The following TRPM8 variants were observed in gnomAD, a reference collection of about 807,000 sequenced individuals.
TRPM8 encodes the protein TRPM8 cationic channel.
Under a neutral mutation model 133.7 loss-of-function variants are expected in TRPM8, and 110 were observed. The observed-to-expected ratio is 0.82, with a 90% CI of 0.70 to 0.96. The LOEUF (loss-of-function observed/expected upper bound fraction) is 0.96. TRPM8 is among the 40% of genes least tolerant of loss of function. TRPM8 has a pLI of 0.00. For missense variants in TRPM8, 1,291 were observed against 1,379.5 expected (o/e 0.94, Z 1.02); for synonymous variants, 535 against 532.3 (o/e 1.01, Z -0.07).
In TRPM8 at chr2:233,970,702, G is replaced by C. The variant is rs1174348583; in HGVS notation, c.2355+276G>C. On this transcript the variant is annotated intron_variant, in intron 17 of 25. Coordinates refer to ENST00000324695, the MANE Select transcript of TRPM8 (RefSeq NM_024080.5). Reference sequence around the variant, plus strand: ...GGAATGGGGGAGTGTTCAAAGAGAAGAGAGACCCTGGATGATAAACCCACT... The same window carrying C: ...GGAATGGGGGAGTGTTCAAAGAGAACAGAGACCCTGGATGATAAACCCACT... Among the ~76,000 whole-genome samples the C allele has an allele frequency of 4.6e-5, 7 of 152,300 alleles. No individual in the cohort carries two copies. The East Asian group carries it at 9.6e-4, about 21-fold the overall frequency.
chr2:234,006,975 C>T, intron 23 of TRPM8, 23 bp downstream of exon 23: 6 of 1,563,026 alleles, frequency 3.8e-6, no homozygotes, highest in Non-Finnish European at 3.5e-6. Context: ...TCCCTTTCTG[C>T]TTTGCAAGGC....
At position 233,983,864 on chromosome 2, in the gene TRPM8, C is replaced by T. The variant is rs557044837; in HGVS notation, c.2761+640C>T. ...TGGTTTCCCTGAGCCAGAGCCTGCT[C>T]CTCCTGGTCACAGTTCTTTGTTCCT... On this transcript the variant is annotated intron_variant, in intron 20 of 25. Coordinates refer to ENST00000324695, the MANE Select transcript of TRPM8 (RefSeq NM_024080.5). Among the ~76,000 whole-genome samples, 3 of 152,290 alleles carry T rather than the reference C, an allele frequency of 2.0e-5. No homozygotes were observed. The South Asian group carries it at 6.2e-4, about 32-fold the overall frequency.
chr2:233,961,146 T>C, intron 12 of TRPM8, 80 bp downstream of exon 12: 1 of 1,389,444 alleles, frequency 7.2e-7, no homozygotes, highest in South Asian at 1.4e-5. Context: ...TTTTCCCTAC[T>C]CCCTATCTTA....
At position 233,989,636 on chromosome 2, in the gene TRPM8, A is replaced by C. The variant is rs2125319445; in HGVS notation, c.2939+3771A>C. Among the ~76,000 whole-genome samples, 1 of 152,296 alleles carries C rather than the reference A, an allele frequency of 6.6e-6. No individual in the cohort carries two copies. Among genetic ancestry groups the C allele is most frequent in the Non-Finnish European group, 1.5e-5 (1 of 68,006 alleles). On this transcript the variant is annotated intron_variant, in intron 21 of 25. Transcript: ENST00000324695. The surrounding 1 kb of genome is among the most constrained non-coding windows in gnomAD (Gnocchi z 4.2). ...CCCTTCCCTGGCACCACATCAAAATACTCATTTAAAAGCTTAACCATACAC... is the reference window on the plus strand; with the variant it reads ...CCCTTCCCTGGCACCACATCAAAATCCTCATTTAAAAGCTTAACCATACAC...
chr2:233,969,474 T>G, intron 15 of TRPM8, among the ~76,000 whole-genome samples: 1 of 151,932 alleles, frequency 6.6e-6, no homozygotes, highest in African/African-American at 2.4e-5. Flanking sequence ...GCAGCAAGCG[T>G]GAAACTCCGT....
Position 233,939,190 on chromosome 2 carries a change from A to C in TRPM8, c.526+15A>C, listed in dbSNP as rs1249555385. 2 of 1,611,754 alleles carry C rather than the reference A, an allele frequency of 1.2e-6. No homozygotes were observed. The highest frequency in any genetic ancestry group is 1.1e-5 in the South Asian group (1 of 90,966). On this transcript the variant is annotated intron_variant, in intron 5 of 25. Coordinates refer to ENST00000324695, the MANE Select transcript of TRPM8 (RefSeq NM_024080.5). ...GCAGTCCAAAGGTGAGGGTGGGAGC[A>C]GCGACCGCGGGTTCTTCCATTCGGG...
chr2:233,931,156 T>A (rs947289785), intron 3 of TRPM8, among the ~76,000 whole-genome samples: 3 of 152,188 alleles, frequency 2.0e-5, no homozygotes, highest in Non-Finnish European at 4.4e-5. Context: ...TCCTTCTAAT[T>A]GAGTGTTCAT....
In TRPM8 at chr2:233,947,155, A is replaced by G; in HGVS notation, c.942A>G (p.Lys314=). 6.2e-7 allele frequency: 1 copy of G among 1,614,046 alleles called. No individual in the cohort carries two copies. The highest frequency in any genetic ancestry group is 1.6e-4 in the Middle Eastern group (1 of 6,062). ...AAGGAGGTGGAAAAGAGACTTTGAAAGTGAGTCCTGATTTAGTTTTCTAGA... is the reference window on the plus strand; with the variant it reads ...AAGGAGGTGGAAAAGAGACTTTGAAGGTGAGTCCTGATTTAGTTTTCTAGA... The part of the protein sequence containing the change: ...FAQGGGKETL[K]AINTSIKNKI... The change falls in exon 8 of 26, where the codon AAA becomes AAG. Residue 314 remains lysine, a splice_region_variant and synonymous_variant. Coordinates refer to ENST00000324695, the MANE Select transcript of TRPM8 (RefSeq NM_024080.5).
chr2:233,958,679 A>G (rs1412164224), intron 11 of TRPM8, among the ~76,000 whole-genome samples: 2 of 152,218 alleles, frequency 1.3e-5, no homozygotes, highest in Non-Finnish European at 2.9e-5. Context: ...CATAGCTGCC[A>G]TCTTTCCAGA....
chr2:234,011,131 A>G (rs748834398), intron 24 of TRPM8, among the ~76,000 whole-genome samples: 9 of 152,158 alleles, frequency 5.9e-5, no homozygotes, highest in Admixed American at 2.6e-4. Flanking sequence ...CCTTTGATCC[A>G]TTTTGAGTTG....
chr2:233,985,795 A>G lies in TRPM8; in HGVS notation c.2869A>G (p.Ile957Val), dbSNP rs1692133690. Residue 957 changes from isoleucine to valine, a missense_variant, in exon 21 of 26, where the codon ATC becomes GTC. By Grantham distance (29) the Ile-to-Val change is conservative. Transcript: ENST00000324695. ...GCCCCGGTTCCCCGAGTGGATCACC[A>G]TCCCCCTGGTGTGCATCTACATGTT... is the stretch of plus-strand genomic sequence containing the variant. ...NLPRFPEWIT[I>V]PLVCIYMLST... 3 of 1,614,194 alleles carry G rather than the reference A, an allele frequency of 1.9e-6. No individual in the cohort carries two copies. The highest frequency in any genetic ancestry group is 2.5e-6 in the Non-Finnish European group (3 of 1,180,028).
chr2:233,977,315 C>T (rs955016284), intron 17 of TRPM8, among the ~76,000 whole-genome samples: 2 of 152,184 alleles, frequency 1.3e-5, no homozygotes, highest in African/African-American at 4.8e-5. Flanking sequence ...AAATAGTGTC[C>T]TGGGATTTTA....
chr2:233,956,960 T>C (rs529766560), intron 11 of TRPM8, among the ~76,000 whole-genome samples: 1 of 152,298 alleles, frequency 6.6e-6, no homozygotes, highest in African/African-American at 2.4e-5. Flanking sequence ...GAATGGTACA[T>C]TTAATTTTAC....
intron 16 of TRPM8, 159 bp from the exon 17 acceptor site, chr2:233,970,051 A>G: frequency 2.7e-6 from 2 of 748,660 alleles, no homozygotes; most frequent in East Asian, 2.5e-5. Context: ...CAAAATGCCA[A>G]GGATTTAATT....
At chr2:233,924,145 TCTC>T (rs1392349986) in intron 1 of TRPM8, among the ~76,000 whole-genome samples, 1 of 152,116 alleles carries the variant, frequency 6.6e-6, no homozygotes, top group African/African-American at 2.4e-5. Flanking sequence ...CCAGGGACCT[TCTC>T]CTGACACTGA....
intron 18 of TRPM8, among the ~76,000 whole-genome samples, chr2:233,980,650 G>A (rs1022060423): frequency 6.6e-6 from 1 of 152,184 alleles, no homozygotes; most frequent in Non-Finnish European, 1.5e-5. Context: ...TCACAGACAT[G>A]AGCCTCTGCC....
chr2:234,000,761 C>T (rs1692539973), intron 22 of TRPM8, among the ~76,000 whole-genome samples: 1 of 151,740 alleles, frequency 6.6e-6, no homozygotes, highest in African/African-American at 2.4e-5. Flanking sequence ...TCTCTGAAAC[C>T]TCCACCTCCC....
Position 233,927,914 on chromosome 2 carries a change from C to T in TRPM8, c.117+1260C>T, listed in dbSNP as rs1223109842. 5.4e-3 allele frequency among the ~76,000 whole-genome samples: 285 copies of T among 52,572 alleles called. 16 individuals carry two copies. The highest frequency in any genetic ancestry group is 0.025 in the East Asian group (32 of 1,266). 34.5% of individuals were successfully genotyped at this position (52,572 alleles called of 152,430 possible). Reference sequence around the variant, plus strand: ...TCTTTCTTTCTTTCTTTCTTTCTCTCTCTCTCTCTTTCTCTCTCTCTCTCT... The same window carrying T: ...TCTTTCTTTCTTTCTTTCTTTCTCTTTCTCTCTCTTTCTCTCTCTCTCTCT... On this transcript the variant is annotated intron_variant, in intron 2 of 25. Coordinates refer to ENST00000324695, the MANE Select transcript of TRPM8 (RefSeq NM_024080.5).
intron 22 of TRPM8, among the ~76,000 whole-genome samples, chr2:234,004,126 T>C (rs971526509): frequency 2.6e-5 from 4 of 152,146 alleles, no homozygotes; most frequent in African/African-American, 9.7e-5. Flanking sequence ...TTTGGACCTG[T>C]CTCCCAAGTG....
Sources: allele counts gnomAD v4.1 joint callset (sites outside exome capture counted in the v4.1 genomes callset), GRCh38; gene constraint gnomAD v4.1.1; non-coding constraint Gnocchi (gnomAD v3.1); transcripts MANE v1.5; gene names NCBI Gene and HGNC (gene_info 2026-07-23, HGNC 2026-07-21).